YWHAQ: variants seen among roughly 807,000 people sequenced by gnomAD.
YWHAQ encodes the protein 14-3-3 protein theta.
A neutral mutation model predicts 28.3 loss-of-function variants in YWHAQ; 6 were observed. That is an observed-to-expected ratio of 0.21 (90% CI 0.12 to 0.42). The LOEUF is 0.42. Ranked by LOEUF, YWHAQ falls within the 10% of genes least tolerant of loss-of-function variation. The probability of loss-of-function intolerance (pLI) is 1.00; values close to 1 mark genes in which losing one functional copy is unlikely to be tolerated. For synonymous variants in YWHAQ, 143 were observed against 119.1 expected, an observed-to-expected ratio of 1.20 and a Z score of -1.31; for missense variants, 201 against 305.6, an observed-to-expected ratio of 0.66 and a Z score of 2.55.
At position 9,629,652 on chromosome 2, in the gene YWHAQ, G is replaced by A. The variant is rs1356822308; in HGVS notation, c.294+507C>T. On this transcript the variant is annotated intron_variant, in intron 2 of 5. Transcript: ENST00000238081. Reference sequence around the variant, plus strand: ...CCTCCTCTCCTGTTTATGGGGGGTGGGGGGGAGCACAACAGATACTCTTAC... The same window carrying A: ...CCTCCTCTCCTGTTTATGGGGGGTGAGGGGGAGCACAACAGATACTCTTAC... Among the ~76,000 whole-genome samples, 3 of 151,922 alleles carry A rather than the reference G, an allele frequency of 2.0e-5. No individual in the cohort carries two copies. The South Asian group carries it at 6.2e-4, about 32-fold the overall frequency.
chr2:9,620,737 T>A (rs985048793), intron 2 of YWHAQ: 1 of 152,204 alleles, frequency 6.6e-6, no homozygotes, highest in Non-Finnish European at 1.5e-5. Context: ...CATCTGTGAT[T>A]TTCCTGGTCT....
intron 2 of YWHAQ, among the ~76,000 whole-genome samples, chr2:9,591,843 G>A (rs548303724): frequency 3.1e-4 from 47 of 152,314 alleles, no homozygotes; most frequent in African/African-American, 9.6e-4. Flanking sequence ...GTGCTATAAC[G>A]GATATAGAGA....
chr2:9,606,872 T>G (rs1246380358), intron 2 of YWHAQ, among the ~76,000 whole-genome samples: 1 of 151,872 alleles, frequency 6.6e-6, no homozygotes, highest in Non-Finnish European at 1.5e-5. Flanking sequence ...GCAACACAAC[T>G]GCATTTAATA....
intron 2 of YWHAQ, among the ~76,000 whole-genome samples, chr2:9,617,858 T>C (rs1667065580): frequency 6.6e-6 from 1 of 151,616 alleles, no homozygotes; most frequent in East Asian, 1.9e-4. Context: ...GCCCAGGAGT[T>C]TGAGGATGCA....
At chr2:9,596,271 AT>A (rs1666568517) in intron 2 of YWHAQ, among the ~76,000 whole-genome samples, 1 of 151,870 alleles carries the variant, frequency 6.6e-6, no homozygotes, top group African/African-American at 2.4e-5. Flanking sequence ...CCCCCATACG[AT>A]CTTCAAGAGT....
rs921059076 is a variant in YWHAQ, at chr2:9,627,122, G to A, written c.294+3037C>T. 5.3e-5 allele frequency among the ~76,000 whole-genome samples: 8 copies of A among 152,114 alleles called. 1 individual carries two copies. The highest frequency in any genetic ancestry group is 1.7e-4 in the African/African-American group (7 of 41,414). On this transcript the variant is annotated intron_variant, in intron 2 of 5. Coordinates refer to ENST00000238081, the MANE Select transcript of YWHAQ (RefSeq NM_006826.4). The stretch of plus-strand genomic sequence containing the variant: ...TTTTAACATTTTTTTGTGCTTCCAC[G>A]GTTCAGTAACCTCTTTCAATACCGT...
At chr2:9,597,055 T>C (rs13024360) in intron 2 of YWHAQ, among the ~76,000 whole-genome samples, 26,319 of 152,256 alleles carry the variant, frequency 0.17, 2,797 homozygotes, top group Middle Eastern at 0.26. Flanking sequence ...TATACTATCG[T>C]TAGCTCTATA....
chr2:9,623,214 T>G (rs963801811), intron 2 of YWHAQ, among the ~76,000 whole-genome samples: 3 of 152,236 alleles, frequency 2.0e-5, no homozygotes, highest in Non-Finnish European at 4.4e-5. Context: ...ACGTTAAACC[T>G]TCTGGTCACC....
At position 9,630,307 on chromosome 2, in the gene YWHAQ, T is replaced by C. The variant is rs1667337434; in HGVS notation, c.146A>G (p.Lys49Arg). The C allele has an allele frequency of 6.2e-7, 1 of 1,614,034 alleles. No individual in the cohort carries two copies. The highest frequency in any genetic ancestry group is 8.5e-7 in the Non-Finnish European group (1 of 1,180,032). Residue 49 changes from lysine to arginine, a missense_variant, in exon 2 of 6, where the codon AAG becomes AGG. Lys to Arg is a conservative substitution (Grantham distance 26). Transcript: ENST00000238081. This position sits in a 1 kb window ranked among gnomAD's most constrained non-coding sequence, Gnocchi z 5.6. Reference protein sequence around the residue: ...EERNLLSVAYKNVVGGRRSAW... With the variant: ...EERNLLSVAYRNVVGGRRSAW... ...GGACCTGCGGCCCCCGACCACGTTCTTGTAGGCCACGGAGAGCAGGTTGCG... is the reference window on the plus strand; with the variant it reads ...GGACCTGCGGCCCCCGACCACGTTCCTGTAGGCCACGGAGAGCAGGTTGCG...
intron 2 of YWHAQ, among the ~76,000 whole-genome samples, chr2:9,611,549 C>T (rs866539215): frequency 6.6e-6 from 1 of 152,176 alleles, no homozygotes; most frequent in Non-Finnish European, 1.5e-5. Context: ...CTAACCCTCC[C>T]GCTCCATCTT....
chr2:9,603,357 C>T (rs1003006194), intron 2 of YWHAQ, among the ~76,000 whole-genome samples: 8 of 150,798 alleles, frequency 5.3e-5, no homozygotes, highest in Non-Finnish European at 7.4e-5. Flanking sequence ...GCAACCCCAA[C>T]TTCCCAGGTT....
intron 2 of YWHAQ, among the ~76,000 whole-genome samples, chr2:9,602,654 C>G (rs1337743647): frequency 6.6e-6 from 1 of 150,428 alleles, no homozygotes. Flanking sequence ...AAGGGATCCT[C>G]CCACCTTAGC....
chr2:9,609,068 A>G (rs578090628), intron 2 of YWHAQ, among the ~76,000 whole-genome samples: 1 of 152,366 alleles, frequency 6.6e-6, no homozygotes, highest in Admixed American at 6.5e-5. Flanking sequence ...TGTATAATAA[A>G]ACATAAATAT....
chr2:9,603,125 G>C (rs894305196), intron 2 of YWHAQ, among the ~76,000 whole-genome samples: 1 of 151,638 alleles, frequency 6.6e-6, no homozygotes. Context: ...TATAGCTAAA[G>C]TATAAACACA....
At chr2:9,592,968 G>A (rs1043323155) in intron 2 of YWHAQ, among the ~76,000 whole-genome samples, 8 of 152,156 alleles carry the variant, frequency 5.3e-5, no homozygotes, top group South Asian at 4.1e-4. Flanking sequence ...ACTAGTGAAC[G>A]TTTTAAAGCA....
At chr2:9,585,412 T>C in intron 5 of YWHAQ, 67 bp from the exon 6 acceptor site, 8 of 1,541,066 alleles carry the variant, frequency 5.2e-6, no homozygotes, top group Non-Finnish European at 7.2e-6. Context: ...GTAGTATTGT[T>C]ATATCAAAAT....
At chr2:9,603,719 T>A (rs1666760505) in intron 2 of YWHAQ, among the ~76,000 whole-genome samples, 1 of 150,910 alleles carries the variant, frequency 6.6e-6, no homozygotes, top group Non-Finnish European at 1.5e-5. Context: ...CGGTCAGGAG[T>A]TCGAGAGCAG....
chr2:9,586,227 TAGAC>T (rs1294466559), intron 5 of YWHAQ, among the ~76,000 whole-genome samples: 6 of 152,296 alleles, frequency 3.9e-5, no homozygotes, highest in Admixed American at 6.5e-5. Flanking sequence ...GTTCTTGAAT[TAGAC>T]AGAATGTTAA....
Position 9,625,143 on chromosome 2 carries a change from T to C in YWHAQ, c.294+5016A>G, listed in dbSNP as rs1667224125. 2.0e-5 allele frequency among the ~76,000 whole-genome samples: 3 copies of C among 150,964 alleles called. No homozygotes were observed. The South Asian group carries it at 6.3e-4, about 32-fold the overall frequency. On this transcript the variant is annotated intron_variant, in intron 2 of 5. Coordinates refer to ENST00000238081, the MANE Select transcript of YWHAQ (RefSeq NM_006826.4). ...CAGGCATGGTGGTGCATGCCTGTAA[T>C]CCCAGCTACTCGGGAGGCTGAGGCA... is the stretch of plus-strand genomic sequence containing the variant.
Sources: gnomAD v4.1 joint callset for allele counts (sites outside exome capture counted in the v4.1 genomes callset) on GRCh38, gnomAD v4.1.1 for gene constraint, Gnocchi (gnomAD v3.1) non-coding constraint, MANE v1.5 for transcripts, NCBI Gene and HGNC (gene_info 2026-07-23, HGNC 2026-07-21) for gene names.